SYPL1: variants seen among roughly 807,000 people sequenced by gnomAD.
SYPL1 encodes the protein synaptophysin-like protein 1.
Under a neutral mutation model 23.7 loss-of-function variants are expected in SYPL1, and 6 were observed. The ratio of observed to expected loss-of-function variants is 0.25; its 90% CI spans 0.14 to 0.50. The LOEUF is 0.50. Among genes scored for constraint, SYPL1 ranks in the 20% least tolerant of loss-of-function variants. The pLI, the probability that SYPL1 is intolerant of heterozygous loss-of-function variation, is 0.98. For synonymous variants in SYPL1, 102 were observed against 104.5 expected (o/e 0.98, Z 0.15); for missense variants, 253 against 288.9 (o/e 0.88, Z 0.90).
At chr7:106,107,386 T>C (rs1275456015) in intron 1 of SYPL1, among the ~76,000 whole-genome samples, 1 of 152,234 alleles carries the variant, frequency 6.6e-6, no homozygotes, top group Non-Finnish European at 1.5e-5. Context: ...TCCCTTTGCT[T>C]CTAATGTACA....
chr7:106,101,786 A>AT lies in SYPL1; in HGVS notation c.70-2505_70-2504insA, dbSNP rs1451381827. ...ATACCCACGTTTAAATTAAAAAAAA[A>AT]AAAAAAGAAAAGAAATGAGATACAC... On this transcript the variant is annotated intron_variant, in intron 1 of 4. Coordinates refer to ENST00000455385, the MANE Select transcript of SYPL1 (RefSeq NM_182715.4). 2.0e-5 allele frequency among the ~76,000 whole-genome samples: 3 copies of AT among 151,696 alleles called. No individual in the cohort carries two copies. In the East Asian group the frequency reaches 5.8e-4, roughly 29 times the overall value.
chr7:106,093,319 G>A (rs538903081), intron 3 of SYPL1, 182 bp from the exon 4 acceptor site: 51 of 538,898 alleles, frequency 9.5e-5, no homozygotes, highest in Non-Finnish European at 1.4e-4. Context: ...TACAAGCACA[G>A]TGCCTGAGTT....
intron 3 of SYPL1, among the ~76,000 whole-genome samples, chr7:106,094,088 G>C (rs1011295133): frequency 6.6e-6 from 1 of 152,134 alleles, no homozygotes; most frequent in Non-Finnish European, 1.5e-5. Flanking sequence ...AAACATATGC[G>C]TACACTCAAG....
chr7:106,097,264 T>C lies in SYPL1; in HGVS notation c.402+426A>G, dbSNP rs1384116074. 1.3e-5 allele frequency among the ~76,000 whole-genome samples: 2 copies of C among 152,148 alleles called. No individual in the cohort carries two copies. The highest frequency in any genetic ancestry group is 2.4e-5 in the African/African-American group (1 of 41,426). ...AAATAAGACAGTGACCTCTGGGACATAGTTTGTGAACCCATGATATAATTA... is the reference window on the plus strand; with the variant it reads ...AAATAAGACAGTGACCTCTGGGACACAGTTTGTGAACCCATGATATAATTA... On this transcript the variant is annotated intron_variant, in intron 3 of 4. Transcript: ENST00000455385. This position sits in a 1 kb window ranked among gnomAD's most constrained non-coding sequence, Gnocchi z 4.6.
rs1790013667 is a variant in SYPL1, at chr7:106,109,065, C to A, written c.69+3075G>T. 6.6e-6 allele frequency among the ~76,000 whole-genome samples: 1 copy of A among 152,168 alleles called. No homozygotes were observed. Among genetic ancestry groups the A allele is most frequent in the South Asian group, 2.1e-4 (1 of 4,818 alleles). ...AACAAAAAAGAACAAAAAACCCCCACCAGTTTTACTTAAGAATGTCTGATG... is the reference window on the plus strand; with the variant it reads ...AACAAAAAAGAACAAAAAACCCCCAACAGTTTTACTTAAGAATGTCTGATG... On this transcript the variant is annotated intron_variant, in intron 1 of 4. Transcript: ENST00000455385. The surrounding 1 kb of genome is among the most constrained non-coding windows in gnomAD (Gnocchi z 4.3).
At chr7:106,108,843 G>T (rs1487298520) in intron 1 of SYPL1, among the ~76,000 whole-genome samples, 1 of 152,084 alleles carries the variant, frequency 6.6e-6, no homozygotes, top group Non-Finnish European at 1.5e-5. Flanking sequence ...AGCTCCCAAG[G>T]CTCTTTCAGG....
rs999721484 is a variant in SYPL1, at chr7:106,104,594, A to G, written c.70-5312T>C. Among the ~76,000 whole-genome samples, 1 of 152,206 alleles carries G rather than the reference A, an allele frequency of 6.6e-6. No homozygotes were observed. Among genetic ancestry groups the G allele is most frequent in the African/African-American group, 2.4e-5 (1 of 41,448 alleles). On this transcript the variant is annotated intron_variant, in intron 1 of 4. Coordinates refer to ENST00000455385, the MANE Select transcript of SYPL1 (RefSeq NM_182715.4). This position sits in a 1 kb window ranked among gnomAD's most constrained non-coding sequence, Gnocchi z 4.1. ...CATAGCAGATGCTCACTAAATAACT[A>G]CTTAATTAAGGAAAAAATAATTTCC...
At chr7:106,112,421 C>A, upstream of SYPL1, 1 of 1,182,136 alleles carries the variant, frequency 8.5e-7, no homozygotes, top group Non-Finnish European at 1.1e-6. Context: ...AGTGGGGCGG[C>A]TGGGGAGGCG....
At position 106,108,131 on chromosome 7, in the gene SYPL1, T is replaced by C. The variant is rs570875218; in HGVS notation, c.69+4009A>G. Among the ~76,000 whole-genome samples, 5 of 152,020 alleles carry C rather than the reference T, an allele frequency of 3.3e-5. No homozygotes were observed. In the South Asian group the frequency reaches 8.3e-4, roughly 25 times the overall value. The stretch of plus-strand genomic sequence containing the variant: ...AATCTCTGGAACCTGGAAGGCGAGG[T>C]TGCATTGAGCCGAGACCACACTACT... On this transcript the variant is annotated intron_variant, in intron 1 of 4. Coordinates refer to ENST00000455385, the MANE Select transcript of SYPL1 (RefSeq NM_182715.4).
chr7:106,097,964 T>C lies in SYPL1; in HGVS notation c.195-67A>G. Reference sequence around the variant, plus strand: ...AGACAGAAACATTTAAGCAAAACAATGAGTGACACTTCAAAAAATACTCCC... The same window carrying C: ...AGACAGAAACATTTAAGCAAAACAACGAGTGACACTTCAAAAAATACTCCC... On this transcript the variant is annotated intron_variant, in intron 2 of 4. Transcript: ENST00000455385. This position sits in a 1 kb window ranked among gnomAD's most constrained non-coding sequence, Gnocchi z 4.6. The C allele has an allele frequency of 2.3e-6, 3 of 1,307,910 alleles. No homozygotes were observed. The South Asian group carries it at 4.1e-5, about 18-fold the overall frequency. 81.0% of individuals were successfully genotyped at this position (1,307,910 alleles called of 1,614,324 possible). A position where few individuals can be genotyped will look rare whatever the true frequency, so the allele number is the denominator to read the frequency against.
chr7:106,103,155 G>T (rs1840417216), intron 1 of SYPL1, among the ~76,000 whole-genome samples: 1 of 152,130 alleles, frequency 6.6e-6, no homozygotes, highest in African/African-American at 2.4e-5. Context: ...GAGGGGAAAA[G>T]CAACAGGGAA....
rs1286570397 is a variant in SYPL1 at position 106,091,937 on chromosome 7, T to C, written c.594A>G (p.Ile198Met). Reference protein sequence around the residue: ...TSMGSLNVSVIFGFLNMILWG... With the variant: ...TSMGSLNVSVMFGFLNMILWG... ...AGAGTATCATATTTAGAAAGCCAAA[T>C]ATCTATGAAAGAGAAAAAGAAATAT... The change falls in exon 5 of 5, where the codon ATA (isoleucine) becomes ATG (methionine). Residue 198 changes from isoleucine (I) to methionine (M), a missense_variant and splice_region_variant. By Grantham distance (10) the Ile-to-Met change is conservative (BLOSUM62 1). Transcript: ENST00000455385. This position sits in a 1 kb window ranked among gnomAD's most constrained non-coding sequence, Gnocchi z 5.0. The C allele has an allele frequency of 1.2e-6, 2 of 1,600,846 alleles. No homozygotes were observed. The highest frequency in any genetic ancestry group is 1.7e-6 in the Non-Finnish European group (2 of 1,176,630).
In SYPL1 at chr7:106,112,194, C is replaced by G; in HGVS notation, c.15G>C (p.Gln5His). 6.5e-7 allele frequency: 1 copy of G among 1,543,700 alleles called. No individual in the cohort carries two copies. Among genetic ancestry groups the G allele is most frequent in the South Asian group, 1.2e-5 (1 of 85,424 alleles). The change falls in exon 1 of 5, where the codon CAG (glutamine) becomes CAC (histidine). Residue 5 changes from glutamine to histidine, a missense_variant. Transcript: ENST00000455385. ...GCTCCTTGAGCGGGTTGAGGTTGAT[C>G]TGGAAGCCGGACATCCTCTGAGGAA... The part of the protein sequence containing the change: MSGF[Q>H]INLNPLKEPL...
At chr7:106,101,849 T>C (rs945635647) in intron 1 of SYPL1, among the ~76,000 whole-genome samples, 1 of 149,986 alleles carries the variant, frequency 6.7e-6, no homozygotes, top group African/African-American at 2.5e-5. Flanking sequence ...AGGCCAGGAA[T>C]AGACTAGTGT....
At chr7:106,092,829 C>G (rs1169519295) in intron 4 of SYPL1, 120 bp downstream of exon 4, 9 of 850,878 alleles carry the variant, frequency 1.1e-5, no homozygotes, top group African/African-American at 3.5e-5. Context: ...TACTAGAATT[C>G]AGGTAGCTGA....
Position 106,090,953 on chromosome 7 carries a change from G to T in SYPL1, c.*852C>A, listed in dbSNP as rs1296646587. ...TAATTTTTTTAACCCTTTGACTAGG[G>T]TCTGTAAAAAACGGTGGATTATTTT... On this transcript the variant is annotated 3_prime_UTR_variant, in exon 5 of 5. Transcript: ENST00000455385. The T allele has an allele frequency of 1.3e-5, 2 of 152,080 alleles. No individual in the cohort carries two copies. Among genetic ancestry groups the T allele is most frequent in the Non-Finnish European group, 2.9e-5 (2 of 67,996 alleles). 9.4% of individuals were successfully genotyped at this position (152,080 alleles called of 1,614,324 possible).
At position 106,096,609 on chromosome 7, in the gene SYPL1, T is replaced by C. The variant is rs368820659; in HGVS notation, c.402+1081A>G. On this transcript the variant is annotated intron_variant, in intron 3 of 4. Coordinates refer to ENST00000455385, the MANE Select transcript of SYPL1 (RefSeq NM_182715.4). The surrounding 1 kb of genome is among the most constrained non-coding windows in gnomAD (Gnocchi z 4.4). ...ATTCTACTAACTAAATCTCAGAGAATATTTCTAGCTCAGTAGGCTCTGAAG... is the reference window on the plus strand; with the variant it reads ...ATTCTACTAACTAAATCTCAGAGAACATTTCTAGCTCAGTAGGCTCTGAAG... Among the ~76,000 whole-genome samples, 88 of 152,338 alleles carry C rather than the reference T, an allele frequency of 5.8e-4. No individual in the cohort carries two copies. In the South Asian group the frequency reaches 0.014, roughly 24 times the overall value.
At chr7:106,112,322 G>A, upstream of SYPL1, 1 of 1,281,412 alleles carries the variant, frequency 7.8e-7, no homozygotes, top group South Asian at 2.7e-5. Flanking sequence ...CGCTGGCCGG[G>A]CTCGGAGGCG....
In SYPL1 at chr7:106,090,713, T is replaced by C. The variant is rs562323057; in HGVS notation, c.*1092A>G. On this transcript the variant is annotated 3_prime_UTR_variant, in exon 5 of 5. Coordinates refer to ENST00000455385, the MANE Select transcript of SYPL1 (RefSeq NM_182715.4). ...TGTGAATAAGCTTGTATTCAGAATA[T>C]ACCTATATGTGTGTGCAAAGACAAT... The C allele has an allele frequency of 6.6e-6, 1 of 152,532 alleles. No individual in the cohort carries two copies. The highest frequency in any genetic ancestry group is 1.9e-4 in the East Asian group (1 of 5,190). 9.4% of individuals were successfully genotyped at this position (152,532 alleles called of 1,614,324 possible).
Sources: gnomAD v4.1 joint callset for allele counts (sites outside exome capture counted in the v4.1 genomes callset) on GRCh38, gnomAD v4.1.1 for gene constraint, Gnocchi (gnomAD v3.1) non-coding constraint, MANE v1.5 for transcripts, NCBI Gene and HGNC (gene_info 2026-07-23, HGNC 2026-07-21) for gene names.